The following GALNT10 variants were observed in gnomAD, a reference collection of about 807,000 sequenced individuals.
GALNT10 encodes the protein polypeptide N-acetylgalactosaminyltransferase 10.
In GALNT10, 41 loss-of-function variants were observed where a neutral mutation model predicts 75.0. That is an observed-to-expected ratio of 0.55 (90% confidence interval 0.43 to 0.71). GALNT10 has a LOEUF of 0.71. Among genes scored for constraint, GALNT10 ranks in the 30% least tolerant of loss-of-function variants. The pLI, the probability that GALNT10 is intolerant of heterozygous loss-of-function variation, is 0.00. For synonymous variants in GALNT10, 302 were observed against 313.0 expected, an observed-to-expected ratio of 0.96 and a Z score of 0.37; for missense variants, 727 against 818.5, an observed-to-expected ratio of 0.89 and a Z score of 1.36.
At chr5:154,277,648 A>G (rs566489670) in intron 1 of GALNT10, among the ~76,000 whole-genome samples, 24 of 152,326 alleles carry the variant, frequency 1.6e-4, no homozygotes, top group African/African-American at 5.5e-4. Context: ...CATGTAATAA[A>G]CCATTTGGAA....
intron 1 of GALNT10, among the ~76,000 whole-genome samples, chr5:154,217,339 C>G (rs1752890790): frequency 6.6e-6 from 1 of 152,210 alleles, no homozygotes; most frequent in Admixed American, 6.5e-5. Flanking sequence ...TGACCCCTGG[C>G]AGATCACGCT....
chr5:154,319,549 C>A (rs1378187758), intron 3 of GALNT10, among the ~76,000 whole-genome samples: 4 of 152,216 alleles, frequency 2.6e-5, no homozygotes, highest in African/African-American at 9.6e-5. Flanking sequence ...CTTCATCTCC[C>A]TCATTTGAAT....
intron 5 of GALNT10, among the ~76,000 whole-genome samples, chr5:154,378,166 G>C (rs1425719357): frequency 6.6e-6 from 1 of 152,216 alleles, no homozygotes; most frequent in African/African-American, 2.4e-5. Flanking sequence ...AATGTCAGCA[G>C]CTGACAGAGC....
At chr5:154,335,085 C>T (rs1051622765) in intron 4 of GALNT10, among the ~76,000 whole-genome samples, 37 of 152,220 alleles carry the variant, frequency 2.4e-4, no homozygotes, top group Admixed American at 2.3e-3. Flanking sequence ...TCTGACACCA[C>T]CACAACTTGT....
At chr5:154,294,445 T>C (rs1754244421) in intron 1 of GALNT10, among the ~76,000 whole-genome samples, 1 of 152,198 alleles carries the variant, frequency 6.6e-6, no homozygotes, top group African/African-American at 2.4e-5. Flanking sequence ...TAAAACAACT[T>C]CACCTACTTT....
At chr5:154,319,474 A>C (rs1047728747) in intron 3 of GALNT10, among the ~76,000 whole-genome samples, 20 of 152,208 alleles carry the variant, frequency 1.3e-4, no homozygotes, top group African/African-American at 4.8e-4. Flanking sequence ...TGAGGCCTGA[A>C]TCCAACTCAT....
chr5:154,200,311 G>T (rs1365643898), intron 1 of GALNT10, among the ~76,000 whole-genome samples: 3 of 152,162 alleles, frequency 2.0e-5, no homozygotes, highest in African/African-American at 7.2e-5. Flanking sequence ...GTGTGTGTGT[G>T]TTTGTGTAGG....
rs115703971 is a variant in GALNT10, at chr5:154,241,788, A to G, written c.159+50763A>G. On this transcript the variant is annotated intron_variant, in intron 1 of 11. Coordinates refer to ENST00000297107, the MANE Select transcript of GALNT10 (RefSeq NM_198321.4). The stretch of plus-strand genomic sequence containing the variant: ...TTCCAGTTTTTCATTATTATACACA[A>G]CGCACACTGAGCATTCTCTTCAACA... Among the ~76,000 whole-genome samples, 613 of 152,286 alleles carry G rather than the reference A, an allele frequency of 4.0e-3. 3 individuals carry two copies. Among genetic ancestry groups the G allele is most frequent in the African/African-American group, 0.014 (595 of 41,552 alleles).
chr5:154,227,504 G>A (rs1429848069), intron 1 of GALNT10, among the ~76,000 whole-genome samples: 5 of 152,148 alleles, frequency 3.3e-5, no homozygotes, highest in Admixed American at 1.3e-4. Flanking sequence ...AAATTTGGTT[G>A]TTGGTTTCTT....
At chr5:154,332,194 T>C (rs1242164897) in intron 4 of GALNT10, among the ~76,000 whole-genome samples, 1 of 152,190 alleles carries the variant, frequency 6.6e-6, no homozygotes, top group Non-Finnish European at 1.5e-5. Context: ...GCTCAAGTGA[T>C]TGATTTTCTG....
At chr5:154,307,385 C>G (rs1754449148) in intron 3 of GALNT10, among the ~76,000 whole-genome samples, 1 of 152,044 alleles carries the variant, frequency 6.6e-6, no homozygotes. Flanking sequence ...CTTTGGGAGG[C>G]CGAGGTGGGC....
intron 1 of GALNT10, among the ~76,000 whole-genome samples, chr5:154,247,460 ATTTG>A (rs1173093367): frequency 6.6e-6 from 1 of 152,186 alleles, no homozygotes. Flanking sequence ...ATGTTCTTCT[ATTTG>A]TTTGTATCCT....
intron 4 of GALNT10, among the ~76,000 whole-genome samples, chr5:154,342,233 T>C (rs1196205013): frequency 6.6e-6 from 1 of 152,162 alleles, no homozygotes; most frequent in Non-Finnish European, 1.5e-5. Flanking sequence ...AACGATGCAA[T>C]GAGGACGTAC....
chr5:154,354,417 A>T (rs1460528540), intron 4 of GALNT10, among the ~76,000 whole-genome samples: 1 of 152,214 alleles, frequency 6.6e-6, no homozygotes, highest in Non-Finnish European at 1.5e-5. Context: ...CTCTTGCAGC[A>T]TGGGGGCACT....
intron 3 of GALNT10, among the ~76,000 whole-genome samples, chr5:154,323,079 T>G (rs6881819): frequency 0.059 from 8,952 of 152,222 alleles, 813 homozygotes; most frequent in African/African-American, 0.2. Flanking sequence ...AGCATAGGGT[T>G]CTAGGAGATT....
rs745659437 is a variant in GALNT10, at chr5:154,404,123, G to A, written c.1076G>A (p.Arg359His). 1.4e-5 allele frequency: 22 copies of A among 1,613,038 alleles called. No homozygotes were observed. The highest frequency in any genetic ancestry group is 9.9e-5 in the South Asian group (9 of 91,056). ...ISFKVWMCGG[R>H]MEDIPCSRVG... Reference sequence around the variant, plus strand: ...ATGCAGGTGTGGATGTGTGGGGGCCGCATGGAGGACATCCCCTGCTCCAGG... The same window carrying A: ...ATGCAGGTGTGGATGTGTGGGGGCCACATGGAGGACATCCCCTGCTCCAGG... Residue 359 changes from arginine to histidine, a missense_variant, in exon 8 of 12, where the codon CGC (arginine) becomes CAC (histidine). Physicochemically the swap from Arg to His is conservative, Grantham distance 29. Coordinates refer to ENST00000297107, the MANE Select transcript of GALNT10 (RefSeq NM_198321.4).
chr5:154,310,673 T>C (rs1485820850), intron 3 of GALNT10, among the ~76,000 whole-genome samples: 1 of 152,102 alleles, frequency 6.6e-6, no homozygotes, highest in East Asian at 1.9e-4. Flanking sequence ...GGTTTTACCA[T>C]GTTGGCCAGG....
intron 4 of GALNT10, among the ~76,000 whole-genome samples, chr5:154,369,717 T>C (rs115745337): frequency 0.012 from 1,787 of 152,212 alleles, 29 homozygotes; most frequent in African/African-American, 0.041. Context: ...AGAGCCAAGA[T>C]TTGACAAGAC....
At chr5:154,347,504 A>T (rs1378206730) in intron 4 of GALNT10, among the ~76,000 whole-genome samples, 1 of 151,858 alleles carries the variant, frequency 6.6e-6, no homozygotes. Flanking sequence ...CTGGGACTAT[A>T]GGCATGCACC....
Sources: gnomAD v4.1 joint callset for allele counts (sites outside exome capture counted in the v4.1 genomes callset) on GRCh38, gnomAD v4.1.1 for gene constraint, MANE v1.5 for transcripts, NCBI Gene and HGNC (gene_info 2026-07-23, HGNC 2026-07-21) for gene names.